The following LRP1B variants were observed in gnomAD, a reference collection of about 807,000 sequenced individuals.
LRP1B encodes low-density lipoprotein receptor-related protein 1B.
Under a neutral mutation model 556.6 loss-of-function variants are expected in LRP1B, and 217 were observed. The observed-to-expected ratio is 0.39, with a 90% CI of 0.35 to 0.44. LRP1B has a LOEUF of 0.44. LRP1B is among the 20% of genes least tolerant of loss of function. LRP1B has a pLI of 1.00. For missense variants in LRP1B, 5,053 were observed against 5,620.8 expected (o/e 0.90, Z 3.23); for synonymous variants, 2,047 against 1,865.8 (o/e 1.10, Z -2.50).
intron 7 of LRP1B, among the ~76,000 whole-genome samples, chr2:141,097,371 T>C (rs1465829526): frequency 1.3e-5 from 2 of 152,040 alleles, no homozygotes; most frequent in Non-Finnish European, 2.9e-5. Context: ...TCTCTACCAA[T>C]TACCAAAAGC....
At chr2:141,829,118 A>G (rs1484598836) in intron 1 of LRP1B, among the ~76,000 whole-genome samples, 1 of 152,074 alleles carries the variant, frequency 6.6e-6, no homozygotes, top group Non-Finnish European at 1.5e-5. Flanking sequence ...TATTATTACT[A>G]AAATTTATAT....
intron 23 of LRP1B, among the ~76,000 whole-genome samples, chr2:140,890,016 CACAA>C (rs1397172706): frequency 1.3e-5 from 2 of 151,746 alleles, no homozygotes; most frequent in Non-Finnish European, 1.5e-5. Flanking sequence ...CCTTAAAGGC[CACAA>C]ACAGAGGAAT....
rs3832053 is a variant in LRP1B, at chr2:142,130,785, C to CCGG, written c.-59_-57dup. The CCGG allele has an allele frequency of 5.5e-3, 8,081 of 1,458,606 alleles. 38 individuals are homozygous for CCGG. The highest frequency in any genetic ancestry group is 6.1e-3 in the Admixed American group (325 of 53,558). The allele number at this position is 1,458,606 out of a possible 1,614,324, so 90.4% of individuals were successfully genotyped here. A position where few individuals can be genotyped will look rare whatever the true frequency, so the allele number is the denominator to read the frequency against. ...GAGACTGCTCGGCGGCACCTTCGGCCCGGCGGCGGCGGCGGCGGCAGGGGC... is the reference window on the plus strand; with the variant it reads ...GAGACTGCTCGGCGGCACCTTCGGCCCGGCGGCGGCGGCGGCGGCGGCAGGGGC... On this transcript the variant is annotated 5_prime_UTR_variant, in exon 1 of 91. Coordinates refer to ENST00000389484, the MANE Select transcript of LRP1B (RefSeq NM_018557.3).
At chr2:140,550,399 C>G (rs1307398481) in intron 43 of LRP1B, among the ~76,000 whole-genome samples, 1 of 152,030 alleles carries the variant, frequency 6.6e-6, no homozygotes, top group East Asian at 1.9e-4. Flanking sequence ...AAAATTTTAA[C>G]CTGAAAAAAG....
chr2:140,242,630 T>C (rs1039687240), intron 87 of LRP1B, among the ~76,000 whole-genome samples: 1 of 151,072 alleles, frequency 6.6e-6, no homozygotes, highest in Non-Finnish European at 1.5e-5. Flanking sequence ...GTTTGCATTG[T>C]TCTGGGAATA....
At chr2:141,948,236 T>G (rs1221649295) in intron 1 of LRP1B, among the ~76,000 whole-genome samples, 1 of 151,686 alleles carries the variant, frequency 6.6e-6, no homozygotes, top group Non-Finnish European at 1.5e-5. Flanking sequence ...GAGGTGGAGG[T>G]TGCAGTGAGC....
At chr2:141,431,986 T>C (rs1458791076) in intron 3 of LRP1B, among the ~76,000 whole-genome samples, 1 of 152,114 alleles carries the variant, frequency 6.6e-6, no homozygotes, top group Non-Finnish European at 1.5e-5. Flanking sequence ...AGCTAGAACC[T>C]CTAGTACAAG....
chr2:141,031,288 C>T (rs981656639), intron 11 of LRP1B, among the ~76,000 whole-genome samples: 15 of 115,888 alleles, frequency 1.3e-4, no homozygotes, highest in Non-Finnish European at 2.4e-4. Context: ...CACATACATA[C>T]ATATATATAT....
At chr2:141,938,339 G>A (rs1700697981) in intron 1 of LRP1B, among the ~76,000 whole-genome samples, 1 of 152,058 alleles carries the variant, frequency 6.6e-6, no homozygotes, top group Admixed American at 6.6e-5. Flanking sequence ...ATGGCCAACA[G>A]TTATATGAAA....
intron 2 of LRP1B, among the ~76,000 whole-genome samples, chr2:141,734,845 G>A (rs1268588555): frequency 6.6e-6 from 1 of 152,102 alleles, no homozygotes; most frequent in Non-Finnish European, 1.5e-5. Flanking sequence ...ATGTTATTAA[G>A]CACCTGCACT....
intron 7 of LRP1B, among the ~76,000 whole-genome samples, chr2:141,106,174 T>C (rs937444366): frequency 6.6e-6 from 1 of 152,144 alleles, no homozygotes; most frequent in Admixed American, 6.5e-5. Flanking sequence ...CTGACAAAAA[T>C]CCAAGGCCTT....
intron 1 of LRP1B, among the ~76,000 whole-genome samples, chr2:141,823,578 G>A (rs1023861081): frequency 1.3e-5 from 2 of 152,090 alleles, no homozygotes; most frequent in African/African-American, 2.4e-5. Context: ...ATAGCATACC[G>A]AACAAAAGGG....
At chr2:142,097,563 A>C (rs1458067621) in intron 1 of LRP1B, among the ~76,000 whole-genome samples, 1 of 151,650 alleles carries the variant, frequency 6.6e-6, no homozygotes, top group Non-Finnish European at 1.5e-5. Flanking sequence ...AAAGACATGA[A>C]ATGTACAGCT....
At chr2:141,549,917 C>G (rs1685688825) in intron 2 of LRP1B, among the ~76,000 whole-genome samples, 1 of 152,158 alleles carries the variant, frequency 6.6e-6, no homozygotes, top group African/African-American at 2.4e-5. Context: ...ATTGCTTGAA[C>G]CTAGGAGGCG....
intron 7 of LRP1B, among the ~76,000 whole-genome samples, chr2:141,137,702 AATG>A (rs1701524832): frequency 6.6e-6 from 1 of 151,976 alleles, no homozygotes; most frequent in African/African-American, 2.4e-5. Flanking sequence ...CACATGCAAT[AATG>A]ATATTTTATT....
At chr2:142,040,777 T>A (rs1229699752) in intron 1 of LRP1B, among the ~76,000 whole-genome samples, 1 of 151,420 alleles carries the variant, frequency 6.6e-6, no homozygotes, top group East Asian at 1.9e-4. Context: ...AAGACTGAAC[T>A]ATTTAGCCTG....
At chr2:141,447,048 C>T (rs956577843) in intron 3 of LRP1B, among the ~76,000 whole-genome samples, 2 of 152,078 alleles carry the variant, frequency 1.3e-5, no homozygotes, top group African/African-American at 4.8e-5. Context: ...TCAGGTATGC[C>T]AATCAAATGT....
intron 15 of LRP1B, among the ~76,000 whole-genome samples, chr2:140,994,378 G>C (rs890129253): frequency 8.4e-6 from 1 of 119,682 alleles, no homozygotes; most frequent in African/African-American, 3.2e-5. Context: ...TATGTAGGTT[G>C]GTAGGTAAGG....
intron 20 of LRP1B, among the ~76,000 whole-genome samples, chr2:140,924,816 C>G (rs1311505471): frequency 6.6e-6 from 1 of 152,060 alleles, no homozygotes; most frequent in Admixed American, 6.6e-5. Context: ...CACAATCAAT[C>G]ACACACAATT....
Sources: gnomAD v4.1 joint callset for allele counts (sites outside exome capture counted in the v4.1 genomes callset) on GRCh38, gnomAD v4.1.1 for gene constraint, MANE v1.5 for transcripts, NCBI Gene and HGNC (gene_info 2026-07-23, HGNC 2026-07-21) for gene names.